TRAP1: variants seen among roughly 807,000 people sequenced by gnomAD.
TRAP1 encodes TNF receptor associated protein 1.
A neutral mutation model predicts 89.1 loss-of-function variants in TRAP1; 102 were observed. The observed-to-expected ratio is 1.15, with a 90% CI of 0.98 to 1.35. TRAP1 has a LOEUF of 1.35. Among genes scored for constraint, TRAP1 ranks in the 40% most tolerant of loss-of-function variants. TRAP1 has a pLI of 0.00. For synonymous variants in TRAP1, 508 were observed against 388.0 expected (o/e 1.31, Z -3.64); for missense variants, 1,256 against 945.3 (o/e 1.33, Z -4.31).
chr16:3,662,087 C>G lies in TRAP1; in HGVS notation c.1840G>C (p.Glu614Gln), dbSNP rs1386010548. Residue 614 changes from glutamate to glutamine, a missense_variant, in exon 16 of 18, where the codon GAG becomes CAG. By Grantham distance (29) the Glu-to-Gln change is conservative (BLOSUM62 2). Transcript: ENST00000246957. ...DTHPAMVTVLEMGAARHFLRM... is the reference protein window; with the variant it reads ...DTHPAMVTVLQMGAARHFLRM... The stretch of plus-strand genomic sequence containing the variant: ...AGGAAGTGGCGGGCAGCCCCCATCT[C>G]CAGCACGGTGACCATGGCAGGGTGG... 10 of 1,613,300 alleles carry G rather than the reference C, an allele frequency of 6.2e-6. No individual in the cohort carries two copies. The highest frequency in any genetic ancestry group is 2.2e-5 in the East Asian group (1 of 44,864).
At chr16:3,672,895 G>C in intron 9 of TRAP1, 75 bp from the exon 10 acceptor site, 1 of 1,528,538 alleles carries the variant, frequency 6.5e-7, no homozygotes, top group Non-Finnish European at 8.8e-7. Flanking sequence ...GGTGGGGGCG[G>C]ACACGATGAA....
chr16:3,703,487 G>A (rs1470987662), intron 1 of TRAP1, among the ~76,000 whole-genome samples: 1 of 151,876 alleles, frequency 6.6e-6, no homozygotes, highest in African/African-American at 2.4e-5. Flanking sequence ...CTACCATGGT[G>A]TTCAAATGCA....
intron 8 of TRAP1, chr16:3,674,941 G>A (rs905179800): frequency 2.2e-5 from 7 of 321,836 alleles, no homozygotes; most frequent in South Asian, 7.7e-5. Context: ...AAAGGAGACC[G>A]TGGCTGCTGG....
chr16:3,669,099 G>T (rs970022066), intron 11 of TRAP1, among the ~76,000 whole-genome samples: 1 of 152,210 alleles, frequency 6.6e-6, no homozygotes. Flanking sequence ...CCTGGGCAGG[G>T]TGATGGGGAT....
At chr16:3,715,579 C>T (rs2051587630) in intron 1 of TRAP1, among the ~76,000 whole-genome samples, 1 of 152,054 alleles carries the variant, frequency 6.6e-6, no homozygotes, top group Non-Finnish European at 1.5e-5. Flanking sequence ...AGACCACAAA[C>T]GACAAAGAGA....
At chr16:3,682,044 C>T (rs1003218821) in intron 4 of TRAP1, among the ~76,000 whole-genome samples, 4 of 152,082 alleles carry the variant, frequency 2.6e-5, no homozygotes, top group Admixed American at 1.3e-4. Context: ...AGCACAGGAA[C>T]AGAGATGCAC....
At chr16:3,658,701 G>C in intron 17 of TRAP1, 92 bp downstream of exon 17, 19 of 1,204,648 alleles carry the variant, frequency 1.6e-5, no homozygotes, top group Non-Finnish European at 2.2e-5. Context: ...AAAAAGACAG[G>C]ATTTTAGAGG....
chr16:3,711,378 A>G (rs2051529344), intron 1 of TRAP1, among the ~76,000 whole-genome samples: 1 of 152,150 alleles, frequency 6.6e-6, no homozygotes, highest in Non-Finnish European at 1.5e-5. Flanking sequence ...AGGCAGGCAG[A>G]TCACAAGGTC....
rs187498594 is a variant in TRAP1 at position 3,716,078 on chromosome 16, G to C, written c.88+1343C>G. Among the ~76,000 whole-genome samples, 67 of 152,252 alleles carry C rather than the reference G, an allele frequency of 4.4e-4. 1 individual carries two copies. The East Asian group carries it at 0.012, about 27-fold the overall frequency. On this transcript the variant is annotated intron_variant, in intron 1 of 17. Coordinates refer to ENST00000246957, the MANE Select transcript of TRAP1 (RefSeq NM_016292.3). The stretch of plus-strand genomic sequence containing the variant: ...GGGTTTCACCATGTTGGCCAGGCTG[G>C]TCTTGAACTCCTGATCTGCCCACCT...
At chr16:3,662,547 G>C (rs1488412728) in intron 15 of TRAP1, 2 of 556,216 alleles carry the variant, frequency 3.6e-6, no homozygotes, top group African/African-American at 3.7e-5. Flanking sequence ...GCACCCAAGT[G>C]AGCATGTGAG....
At position 3,690,883 on chromosome 16, in the gene TRAP1, GCGGT is replaced by G. The variant is rs536712841; in HGVS notation, c.187_190del (p.Thr63ProfsTer53). 6.3e-7 allele frequency: 1 copy of G among 1,587,046 alleles called. No individual in the cohort carries two copies. Among genetic ancestry groups the G allele is most frequent in the South Asian group, 1.1e-5 (1 of 87,596 alleles). On this transcript the variant is annotated frameshift_variant, in exon 2 of 18. Coordinates refer to ENST00000246957, the MANE Select transcript of TRAP1 (RefSeq NM_016292.3). LOFTEE classifies it high-confidence loss of function. Reference sequence around the variant, plus strand: ...GTGCAGGGGTTCCTCCTTGTCCTCGGCGGTCTGCGTGCTGAACAGTCGTCCTGCC... The same window carrying G: ...GTGCAGGGGTTCCTCCTTGTCCTCGGCTGCGTGCTGAACAGTCGTCCTGCC...
In TRAP1 at chr16:3,663,503, G is replaced by A. The variant is rs202156214; in HGVS notation, c.1629C>T (p.Asp543=). The A allele has an allele frequency of 1.9e-6, 3 of 1,614,146 alleles. No individual in the cohort carries two copies. The highest frequency in any genetic ancestry group is 1.3e-5 in the African/African-American group (1 of 75,048). ...TCTCCACAGAGATCAGCTTCTTCTT[G>A]TCAAACTCACGAAGGTGCAGCAGGG... ...ELTLLHLREF[D]KKKLISVETD... Residue 543 remains aspartate (D), a synonymous_variant, in exon 14 of 18, where the codon GAC becomes GAT. Coordinates refer to ENST00000246957, the MANE Select transcript of TRAP1 (RefSeq NM_016292.3).
rs759358379 is a variant in TRAP1, at chr16:3,662,997, G to C, written c.1709-30C>G. 8 of 1,552,694 alleles carry C rather than the reference G, an allele frequency of 5.2e-6. No homozygotes were observed. In the East Asian group the frequency reaches 1.7e-4, roughly 32 times the overall value. On this transcript the variant is annotated intron_variant, in intron 14 of 17. Transcript: ENST00000246957. ...GGAAGAGCAGGCGACAGGGAGCTCA[G>C]GCCTGCATCCCAACTCCCCGGCTTC...
rs77440336 is a variant in TRAP1 at position 3,663,528 on chromosome 16, G to A, written c.1604C>T (p.Thr535Ile). ...GTCAAACTCACGAAGGTGCAGCAGG[G>A]TGAGCTCATCAAACTGCTCAAAGCA... ...LFCFEQFDEL[T>I]LLHLREFDKK... is the part of the protein sequence containing the mutation. Residue 535 changes from threonine (T) to isoleucine (I), a missense_variant, in exon 14 of 18, where the codon ACC becomes ATC. Transcript: ENST00000246957. 1.9e-6 allele frequency: 3 copies of A among 1,614,090 alleles called. No homozygotes were observed. Among genetic ancestry groups the A allele is most frequent in the East Asian group, 2.2e-5 (1 of 44,882 alleles).
At chr16:3,671,438 C>G (rs908821158) in intron 11 of TRAP1, among the ~76,000 whole-genome samples, 1 of 152,178 alleles carries the variant, frequency 6.6e-6, no homozygotes, top group Non-Finnish European at 1.5e-5. Flanking sequence ...GGGCTGCAGT[C>G]ACAACCCTGG....
rs1017116923 is a variant in TRAP1, at chr16:3,677,354, C to T, written c.704+144G>A. On this transcript the variant is annotated intron_variant, in intron 6 of 17. Coordinates refer to ENST00000246957, the MANE Select transcript of TRAP1 (RefSeq NM_016292.3). ...CACCTGGAGCCACAAAAGTCACTAA[C>T]TCCCCAAAATGGGAGAGTCAGATTT... The T allele has an allele frequency of 3.7e-5, 42 of 1,143,322 alleles. No homozygotes were observed. In the East Asian group the frequency reaches 1.0e-3, roughly 28 times the overall value. The allele number at this position is 1,143,322 out of a possible 1,614,324, so 70.8% of individuals were successfully genotyped here.
In TRAP1 at chr16:3,676,105, T is replaced by A; in HGVS notation, c.745A>T (p.Thr249Ser). The change falls in exon 7 of 18, where the codon ACC (threonine) becomes TCC (serine). Residue 249 changes from threonine (T) to serine (S), a missense_variant. Coordinates refer to ENST00000246957, the MANE Select transcript of TRAP1 (RefSeq NM_016292.3). ...FEIAEASGVR[T>S]GTKIIIHLKS... ...AGGTGGATGATGATTTTTGTCCCGG[T>A]TCTAACTCCCGAAGCTTCGGCGATT... 1 of 1,613,808 alleles carries A rather than the reference T, an allele frequency of 6.2e-7. No individual in the cohort carries two copies. The highest frequency in any genetic ancestry group is 8.5e-7 in the Non-Finnish European group (1 of 1,179,896).
intron 4 of TRAP1, 181 bp from the exon 5 acceptor site, chr16:3,679,971 T>C: frequency 1.6e-6 from 1 of 613,404 alleles, no homozygotes; most frequent in Non-Finnish European, 2.9e-6. Context: ...GGTTCATGCC[T>C]GTAATCCCAG....
intron 9 of TRAP1, among the ~76,000 whole-genome samples, chr16:3,673,431 GCTC>G (rs2050942656): frequency 1.3e-5 from 2 of 152,198 alleles, no homozygotes; most frequent in Non-Finnish European, 2.9e-5. Context: ...GCCAACACCT[GCTC>G]CACACTGGTA....
Sources: allele counts gnomAD v4.1 joint callset (sites outside exome capture counted in the v4.1 genomes callset), GRCh38; gene constraint gnomAD v4.1.1; transcripts MANE v1.5; gene names NCBI Gene and HGNC (gene_info 2026-07-23, HGNC 2026-07-21).